The following C6orf89 variants were observed in gnomAD, a reference collection of about 807,000 sequenced individuals.
The protein encoded by C6orf89 is bombesin receptor-activated protein C6orf89.
C6orf89 carries 29 observed loss-of-function variants against 40.7 expected under a neutral mutation model. The observed-to-expected ratio is 0.71, with a 90% CI of 0.53 to 0.97. C6orf89 has a LOEUF of 0.97. Among genes scored for constraint, C6orf89 ranks in the 50% least tolerant of loss-of-function variants. The probability of loss-of-function intolerance (pLI) is 0.00; values close to 1 mark genes in which losing one functional copy is unlikely to be tolerated. For missense variants in C6orf89, 392 were observed against 429.1 expected, an observed-to-expected ratio of 0.91 and a Z score of 0.76; for synonymous variants, 165 against 152.2, an observed-to-expected ratio of 1.08 and a Z score of -0.62.
At chr6:36,904,064 GAC>G (rs1184509552) in intron 4 of C6orf89, among the ~76,000 whole-genome samples, 2 of 152,062 alleles carry the variant, frequency 1.3e-5, no homozygotes, top group African/African-American at 2.4e-5. Context: ...CTCTTCCTCA[GAC>G]ACACCAGTCT....
At chr6:36,872,920 T>C (rs886375851) in intron 1 of C6orf89, among the ~76,000 whole-genome samples, 2 of 152,234 alleles carry the variant, frequency 1.3e-5, no homozygotes, top group South Asian at 2.1e-4. Flanking sequence ...GATGTGAGAA[T>C]TGAGTCAACT....
rs1762654462 is a variant in C6orf89 at position 36,925,678 on chromosome 6, T to G, written c.*2237T>G. The G allele has an allele frequency of 6.6e-6, 1 of 152,236 alleles. No individual in the cohort carries two copies. Among genetic ancestry groups the G allele is most frequent in the African/African-American group, 2.4e-5 (1 of 41,460 alleles). The allele number at this position is 152,236 out of a possible 1,614,324, so 9.4% of individuals were successfully genotyped here. On this transcript the variant is annotated 3_prime_UTR_variant, in exon 9 of 9. Transcript: ENST00000480824. Reference sequence around the variant, plus strand: ...AGCAGTTCAACTTCTCAAGTTAATTTTGATAAGCAGAATCTACTACTGGCC... The same window carrying G: ...AGCAGTTCAACTTCTCAAGTTAATTGTGATAAGCAGAATCTACTACTGGCC...
At position 36,905,847 on chromosome 6, in the gene C6orf89, C is replaced by T. The variant is rs376801847; in HGVS notation, c.403+3413C>T. Among the ~76,000 whole-genome samples the T allele has an allele frequency of 2.6e-5, 4 of 152,200 alleles. No individual in the cohort carries two copies. The East Asian group carries it at 7.7e-4, about 29-fold the overall frequency. The stretch of plus-strand genomic sequence containing the variant: ...ATTTTATAAAAGAGGTAACTGAGGC[C>T]AGGAGAGGTAAAGGAGCTTGCTTAC... On this transcript the variant is annotated intron_variant, in intron 4 of 8. Coordinates refer to ENST00000480824, the MANE Select transcript of C6orf89 (RefSeq NM_001286635.2).
At chr6:36,880,105 C>G (rs544705561) in intron 2 of C6orf89, among the ~76,000 whole-genome samples, 2 of 152,118 alleles carry the variant, frequency 1.3e-5, no homozygotes, top group African/African-American at 4.8e-5. Flanking sequence ...TTTCCTTCCT[C>G]GAGCACCTAG....
intron 3 of C6orf89, among the ~76,000 whole-genome samples, chr6:36,901,480 G>C (rs956339597): frequency 6.8e-6 from 1 of 147,100 alleles, no homozygotes; most frequent in Non-Finnish European, 1.5e-5. Flanking sequence ...GACTACAGGC[G>C]CCCATCACCA....
At chr6:36,911,978 A>T (rs1375563815) in intron 4 of C6orf89, among the ~76,000 whole-genome samples, 1 of 144,662 alleles carries the variant, frequency 6.9e-6, no homozygotes, top group African/African-American at 2.5e-5. Flanking sequence ...ACCAAAATAT[A>T]ACCAGATCTT....
chr6:36,882,554 A>G (rs1260637077), upstream of C6orf89, among the ~76,000 whole-genome samples: 1 of 152,222 alleles, frequency 6.6e-6, no homozygotes, highest in Non-Finnish European at 1.5e-5. Context: ...AATAATCCAA[A>G]TTTAATATAT....
In C6orf89 at chr6:36,927,747, A is replaced by G. The variant is rs1762731461; in HGVS notation, c.*4306A>G. 1 of 152,272 alleles carries G rather than the reference A, an allele frequency of 6.6e-6. No homozygotes were observed. Among genetic ancestry groups the G allele is most frequent in the Non-Finnish European group, 1.5e-5 (1 of 68,062 alleles). The allele number at this position is 152,272 out of a possible 1,614,324, so 9.4% of individuals were successfully genotyped here. The stretch of plus-strand genomic sequence containing the variant: ...GCAGGGTCAGGAAGCTAGGAGAGTG[A>G]AGGCGCTTGTGGAGACAGCTCTGTA... On this transcript the variant is annotated 3_prime_UTR_variant, in exon 9 of 9. Transcript: ENST00000480824.
chr6:36,897,754 G>A (rs1293082495), intron 2 of C6orf89, among the ~76,000 whole-genome samples: 1 of 152,196 alleles, frequency 6.6e-6, no homozygotes, highest in Non-Finnish European at 1.5e-5. Context: ...GAGTGATTGG[G>A]AGGCACACTG....
At chr6:36,874,845 G>A in intron 1 of C6orf89, 1 of 1,525,438 alleles carries the variant, frequency 6.6e-7, no homozygotes, top group Non-Finnish European at 9.0e-7. Flanking sequence ...ACCCGTCGCT[G>A]CTGCACACTT....
intron 1 of C6orf89, among the ~76,000 whole-genome samples, chr6:36,889,582 C>CAAAAAA (rs58417436): frequency 6.1e-4 from 86 of 140,496 alleles, no homozygotes; most frequent in Middle Eastern, 3.7e-3. Flanking sequence ...AAAACAAAAA[C>CAAAAAA]AAAAAAAAAA....
At chr6:36,888,362 C>T (rs1471617453) in intron 1 of C6orf89, among the ~76,000 whole-genome samples, 3 of 152,276 alleles carry the variant, frequency 2.0e-5, no homozygotes, top group Admixed American at 1.3e-4. Flanking sequence ...CCGAGTGCAG[C>T]GGCTCACGCT....
At position 36,914,704 on chromosome 6, in the gene C6orf89, A is replaced by G. The variant is rs1025571661; in HGVS notation, c.695+11A>G. The G allele has an allele frequency of 3.1e-5, 50 of 1,612,378 alleles. No individual in the cohort carries two copies. The highest frequency in any genetic ancestry group is 4.2e-5 in the Non-Finnish European group (50 of 1,178,722). On this transcript the variant is annotated intron_variant, in intron 6 of 8. Coordinates refer to ENST00000480824, the MANE Select transcript of C6orf89 (RefSeq NM_001286635.2). ...ATTTCCTTATCCATGGTGAGTGTGA[A>G]AAGGGCCGGGCACAGTGGCTCATGC...
Position 36,928,065 on chromosome 6 carries a change from C to T in C6orf89, c.*4624C>T, listed in dbSNP as rs1002017521. ...ATAATTTAAGCATTAGTGCCAAATA[C>T]ATCTGTCATATTCCTCTCCCTGGAG... On this transcript the variant is annotated 3_prime_UTR_variant, in exon 9 of 9. Transcript: ENST00000480824. 3.3e-5 allele frequency: 5 copies of T among 152,380 alleles called. No homozygotes were observed. Among genetic ancestry groups the T allele is most frequent in the Admixed American group, 2.0e-4 (3 of 15,310 alleles). The allele number at this position is 152,380 out of a possible 1,614,324, so 9.4% of individuals were successfully genotyped here.
chr6:36,883,640 G>GTACATACATTGCCTCA (rs574966691), upstream of C6orf89, among the ~76,000 whole-genome samples: 384 of 152,294 alleles, frequency 2.5e-3, no homozygotes, highest in Non-Finnish European at 4.8e-3. Flanking sequence ...AACTTTAGTG[G>GTACATACATTGCCTCA]TACATACATT....
At chr6:36,901,409 A>T (rs1309268974) in intron 3 of C6orf89, among the ~76,000 whole-genome samples, 5 of 131,940 alleles carry the variant, frequency 3.8e-5, no homozygotes, top group Non-Finnish European at 1.5e-5. Context: ...ATCTTGGCTC[A>T]CTGCAAGCTC....
intron 2 of C6orf89, among the ~76,000 whole-genome samples, chr6:36,899,120 G>T (rs532887577): frequency 1.3e-5 from 2 of 152,226 alleles, no homozygotes; most frequent in South Asian, 4.2e-4. Context: ...GATGTCATTA[G>T]TGCTTCAGAG....
At position 36,925,250 on chromosome 6, in the gene C6orf89, G is replaced by A. The variant is rs1347256503; in HGVS notation, c.*1809G>A. The A allele has an allele frequency of 6.6e-6, 1 of 152,176 alleles. No homozygotes were observed. The highest frequency in any genetic ancestry group is 2.4e-5 in the African/African-American group (1 of 41,440). The allele number at this position is 152,176 out of a possible 1,614,324, so 9.4% of individuals were successfully genotyped here. ...CCTTACCCTGGCTGTACATGGGGAA[G>A]GGCTATGTGTAAACAAGTGCTTTAG... On this transcript the variant is annotated 3_prime_UTR_variant, in exon 9 of 9. Coordinates refer to ENST00000480824, the MANE Select transcript of C6orf89 (RefSeq NM_001286635.2).
intron 1 of C6orf89, chr6:36,874,693 C>G (rs754069371): frequency 1.9e-6 from 3 of 1,612,974 alleles, no homozygotes; most frequent in Non-Finnish European, 2.5e-6. Flanking sequence ...CCTCTGCCAG[C>G]CCCAGACGCC....
Sources: gnomAD v4.1 joint callset for allele counts (sites outside exome capture counted in the v4.1 genomes callset) on GRCh38, gnomAD v4.1.1 for gene constraint, MANE v1.5 for transcripts, NCBI Gene and HGNC (gene_info 2026-07-23, HGNC 2026-07-21) for gene names.